Variants in ITGA1 observed in about 807,000 individuals in gnomAD.
ITGA1 encodes integrin alpha-1.
Under a neutral mutation model 145.9 loss-of-function variants are expected in ITGA1, and 85 were observed. That is an observed-to-expected ratio of 0.58 (90% CI 0.49 to 0.70). The LOEUF is 0.70. Among genes scored for constraint, ITGA1 ranks in the 30% least tolerant of loss-of-function variants. ITGA1 has a pLI of 0.00. For synonymous variants in ITGA1, 520 were observed against 495.3 expected (o/e 1.05, Z -0.66); for missense variants, 1,351 against 1,418.7 (o/e 0.95, Z 0.77).
chr5:52,814,502 AT>A (rs1186424529), intron 1 of ITGA1, among the ~76,000 whole-genome samples: 3 of 152,198 alleles, frequency 2.0e-5, no homozygotes, highest in Admixed American at 6.5e-5. Flanking sequence ...AACAAAGTGC[AT>A]CCCTTTCAGG....
intron 7 of ITGA1, among the ~76,000 whole-genome samples, chr5:52,884,307 C>T (rs771691121): frequency 2.6e-5 from 4 of 151,826 alleles, no homozygotes; most frequent in South Asian, 4.2e-4. Context: ...ATTAGCCGGG[C>T]GTGGTGGTGG....
At chr5:52,910,999 ATG>A (rs1339737465) in intron 14 of ITGA1, among the ~76,000 whole-genome samples, 2 of 121,694 alleles carry the variant, frequency 1.6e-5, no homozygotes, top group Admixed American at 8.7e-5. Context: ...TATATATAGT[ATG>A]TATACTGTAT....
At position 52,927,619 on chromosome 5, in the gene ITGA1, T is replaced by C. The variant is rs368601765; in HGVS notation, c.2649T>C (p.Asn883=). 17 of 1,611,816 alleles carry C rather than the reference T, an allele frequency of 1.1e-5. No individual in the cohort carries two copies. The highest frequency in any genetic ancestry group is 1.6e-4 in the Middle Eastern group (1 of 6,080). Residue 883 remains asparagine, a synonymous_variant, in exon 20 of 29, where the codon AAT becomes AAC. Coordinates refer to ENST00000282588, the MANE Select transcript of ITGA1 (RefSeq NM_181501.2). Reference sequence around the variant, plus strand: ...AAGACAGTTGTGAATCTAATCATAATATCACATGTAAAGTTGGATATCCCT... The same window carrying C: ...AAGACAGTTGTGAATCTAATCATAACATCACATGTAAAGTTGGATATCCCT... ...IQKDSCESNH[N]ITCKVGYPFL...
Position 52,929,644 on chromosome 5 carries a change from T to C in ITGA1, c.2714T>C (p.Phe905Ser). Residue 905 changes from phenylalanine to serine, a missense_variant, in exon 21 of 29, where the codon TTT becomes TCT. Transcript: ENST00000282588. Reference sequence around the variant, plus strand: ...TTATAGGTAACTTTCAAAATATTGTTTCAGTTTAACACATCCTATCTCATG... The same window carrying C: ...TTATAGGTAACTTTCAAAATATTGTCTCAGTTTAACACATCCTATCTCATG... ...RGEMVTFKILFQFNTSYLMEN... is the reference protein window; with the variant it reads ...RGEMVTFKILSQFNTSYLMEN... The C allele has an allele frequency of 6.3e-7, 1 of 1,579,240 alleles. No homozygotes were observed. Among genetic ancestry groups the C allele is most frequent in the South Asian group, 1.1e-5 (1 of 88,472 alleles).
At chr5:52,919,834 G>A (rs936992408) in intron 16 of ITGA1, among the ~76,000 whole-genome samples, 2 of 151,856 alleles carry the variant, frequency 1.3e-5, no homozygotes, top group African/African-American at 2.4e-5. Flanking sequence ...TTATTTTATT[G>A]AACCTTAATA....
At chr5:52,874,282 A>G (rs1039391312) in intron 6 of ITGA1, among the ~76,000 whole-genome samples, 1 of 152,026 alleles carries the variant, frequency 6.6e-6, no homozygotes, top group Non-Finnish European at 1.5e-5. Context: ...ATCCAGCCCC[A>G]CAAGAGTGAG....
At chr5:52,911,851 TAC>T (rs1159287782) in intron 14 of ITGA1, among the ~76,000 whole-genome samples, 5 of 136,952 alleles carry the variant, frequency 3.7e-5, no homozygotes, top group African/African-American at 1.3e-4. Context: ...TGTATCTATA[TAC>T]ACACACTATA....
At chr5:52,946,704 T>A (rs1561257641) in intron 27 of ITGA1, among the ~76,000 whole-genome samples, 1 of 152,110 alleles carries the variant, frequency 6.6e-6, no homozygotes, top group East Asian at 1.9e-4. Flanking sequence ...AGAGCTTGAG[T>A]AGCTGGAACA....
At chr5:52,817,431 CTG>C (rs1350696330) in intron 1 of ITGA1, among the ~76,000 whole-genome samples, 1 of 152,186 alleles carries the variant, frequency 6.6e-6, no homozygotes, top group African/African-American at 2.4e-5. Flanking sequence ...AATGTTAACT[CTG>C]TAGCCTAGGA....
rs969560654 is a variant in ITGA1, at chr5:52,789,547, G to C, written c.61+1133G>C. Among the ~76,000 whole-genome samples the C allele has an allele frequency of 3.3e-5, 5 of 152,178 alleles. No homozygotes were observed. The South Asian group carries it at 1.0e-3, about 31-fold the overall frequency. Reference sequence around the variant, plus strand: ...TTTCAGAAGGGAGGTAATGTAAAGAGAGTTAATAATTAGCTACTGGCTTTT... The same window carrying C: ...TTTCAGAAGGGAGGTAATGTAAAGACAGTTAATAATTAGCTACTGGCTTTT... On this transcript the variant is annotated intron_variant, in intron 1 of 28. Coordinates refer to ENST00000282588, the MANE Select transcript of ITGA1 (RefSeq NM_181501.2).
At chr5:52,906,673 G>A (rs1031850330) in intron 12 of ITGA1, among the ~76,000 whole-genome samples, 2 of 152,162 alleles carry the variant, frequency 1.3e-5, no homozygotes, top group African/African-American at 4.8e-5. Context: ...TTTTTCAACA[G>A]TTCTACAAGG....
At chr5:52,816,802 A>T (rs907513265) in intron 1 of ITGA1, among the ~76,000 whole-genome samples, 4 of 152,200 alleles carry the variant, frequency 2.6e-5, no homozygotes, top group Admixed American at 1.3e-4. Context: ...TCTGGAGAGT[A>T]GTGAGTATAT....
At chr5:52,820,107 T>G (rs1377906481) in intron 1 of ITGA1, among the ~76,000 whole-genome samples, 1 of 151,946 alleles carries the variant, frequency 6.6e-6, no homozygotes, top group Non-Finnish European at 1.5e-5. Context: ...TCTTTTGGCT[T>G]AGGATTGACT....
intron 6 of ITGA1, among the ~76,000 whole-genome samples, chr5:52,871,223 CT>C (rs1013300265): frequency 6.6e-6 from 1 of 151,916 alleles, no homozygotes; most frequent in African/African-American, 2.4e-5. Context: ...GCTGTTTGAT[CT>C]TTTTTTTCCC....
intron 1 of ITGA1, among the ~76,000 whole-genome samples, chr5:52,816,864 A>G (rs920546421): frequency 1.3e-5 from 2 of 152,304 alleles, no homozygotes; most frequent in East Asian, 3.9e-4. Context: ...AAATAATAAA[A>G]GTCTGTCTGT....
intron 2 of ITGA1, among the ~76,000 whole-genome samples, chr5:52,856,872 A>G (rs1274444510): frequency 6.6e-6 from 1 of 152,250 alleles, no homozygotes; most frequent in African/African-American, 2.4e-5. Context: ...TGGGCTCATC[A>G]TCTGGTCCCT....
chr5:52,798,494 C>T (rs1484102943), intron 1 of ITGA1, among the ~76,000 whole-genome samples: 1 of 152,002 alleles, frequency 6.6e-6, no homozygotes, highest in African/African-American at 2.4e-5. Flanking sequence ...GTTTATTTGC[C>T]AAAATTAAGG....
chr5:52,843,638 A>T (rs1749291041), intron 1 of ITGA1, among the ~76,000 whole-genome samples: 1 of 152,030 alleles, frequency 6.6e-6, no homozygotes, highest in Non-Finnish European at 1.5e-5. Context: ...ATTCTCAAAT[A>T]CTCCAGAGCT....
chr5:52,833,719 G>A (rs76526928), intron 1 of ITGA1, among the ~76,000 whole-genome samples: 1,986 of 152,118 alleles, frequency 0.013, 44 homozygotes, highest in African/African-American at 0.046. Context: ...CTATTTAGGT[G>A]TAATATTTTT....
Sources: gnomAD v4.1 joint callset for allele counts (sites outside exome capture counted in the v4.1 genomes callset) on GRCh38, gnomAD v4.1.1 for gene constraint, MANE v1.5 for transcripts, NCBI Gene and HGNC (gene_info 2026-07-23, HGNC 2026-07-21) for gene names.